The following WDR70 variants were observed in gnomAD, a reference collection of about 807,000 sequenced individuals.
WDR70 encodes WD repeat-containing protein 70.
Under a neutral mutation model 88.6 loss-of-function variants are expected in WDR70, and 53 were observed. The observed-to-expected ratio is 0.60, with a 90% CI of 0.48 to 0.75. WDR70 has a LOEUF of 0.75. WDR70 is among the 30% of genes least tolerant of loss of function. WDR70 has a pLI of 0.00. For missense variants in WDR70, 610 were observed against 823.2 expected, an observed-to-expected ratio of 0.74 and a Z score of 3.17; for synonymous variants, 280 against 270.0, an observed-to-expected ratio of 1.04 and a Z score of -0.36.
chr5:37,712,851 A>C (rs1747551349), intron 13 of WDR70, among the ~76,000 whole-genome samples: 1 of 151,822 alleles, frequency 6.6e-6, no homozygotes, highest in South Asian at 2.1e-4. Context: ...ACAAGCGTGC[A>C]CTACCATGCC....
intron 16 of WDR70, 133 bp downstream of exon 16, chr5:37,725,183 A>G: frequency 1.4e-6 from 1 of 700,906 alleles, no homozygotes; most frequent in Admixed American, 2.9e-5. Flanking sequence ...TGTTTTAAAA[A>G]TGTTTTCTTT....
At chr5:37,381,758 G>A in intron 3 of WDR70, 73 bp downstream of exon 3, 5 of 1,502,674 alleles carry the variant, frequency 3.3e-6, no homozygotes, top group Non-Finnish European at 4.6e-6. Context: ...TATTAAAAAA[G>A]AGAAAAGAAT....
chr5:37,656,942 C>T lies in WDR70; in HGVS notation c.1093-40713C>T, dbSNP rs181447179. Among the ~76,000 whole-genome samples, 175 of 152,186 alleles carry T rather than the reference C, an allele frequency of 1.1e-3. 1 individual carries two copies. The highest frequency in any genetic ancestry group is 4.0e-3 in the African/African-American group (165 of 41,524). On this transcript the variant is annotated intron_variant, in intron 10 of 17. Transcript: ENST00000265107. ...CTTAGCTTGCTGAGTTCCATGGGGGCGGGATCTGCTGAGCTAGACCACTTT... is the reference window on the plus strand; with the variant it reads ...CTTAGCTTGCTGAGTTCCATGGGGGTGGGATCTGCTGAGCTAGACCACTTT...
At chr5:37,610,786 G>A (rs1744170574) in intron 10 of WDR70, among the ~76,000 whole-genome samples, 1 of 152,126 alleles carries the variant, frequency 6.6e-6, no homozygotes, top group African/African-American at 2.4e-5. Flanking sequence ...GGGAGTCATA[G>A]GGCTTCTGAA....
At chr5:37,459,344 C>T (rs72738722) in intron 7 of WDR70, among the ~76,000 whole-genome samples, 60,692 of 147,708 alleles carry the variant, frequency 0.41, 14,565 homozygotes, top group Non-Finnish European at 0.54. Context: ...CTATTAGGTC[C>T]GCTTGGTGCA....
intron 10 of WDR70, among the ~76,000 whole-genome samples, chr5:37,667,565 A>G (rs1445396207): frequency 6.6e-6 from 1 of 152,188 alleles, no homozygotes; most frequent in East Asian, 1.9e-4. Flanking sequence ...GATAAAAGTG[A>G]GCTAATTGTG....
At chr5:37,639,448 C>T (rs1435028395) in intron 10 of WDR70, among the ~76,000 whole-genome samples, 1 of 152,164 alleles carries the variant, frequency 6.6e-6, no homozygotes, top group Non-Finnish European at 1.5e-5. Context: ...CTTTTCCTGT[C>T]TCATTTGTTG....
rs992717613 is a variant in WDR70, at chr5:37,599,642, A to G, written c.918-5422A>G. On this transcript the variant is annotated intron_variant, in intron 9 of 17. Transcript: ENST00000265107. ...CGTGGTGGCTCACGCCTATAATCTC[A>G]GCACTTTTGAAGGCTGAGGTGGGTG... Among the ~76,000 whole-genome samples, 15 of 152,340 alleles carry G rather than the reference A, an allele frequency of 9.8e-5. No homozygotes were observed. The East Asian group carries it at 2.9e-3, about 29-fold the overall frequency.
chr5:37,678,982 T>C (rs1263432210), intron 10 of WDR70, among the ~76,000 whole-genome samples: 1 of 152,256 alleles, frequency 6.6e-6, no homozygotes, highest in Admixed American at 6.5e-5. Flanking sequence ...TTCATTCATT[T>C]CATCTTCCAT....
intron 8 of WDR70, among the ~76,000 whole-genome samples, chr5:37,503,726 A>G (rs1740471756): frequency 6.6e-6 from 1 of 150,472 alleles, no homozygotes; most frequent in Non-Finnish European, 1.5e-5. Flanking sequence ...GAATTCTGCT[A>G]TGAATCCACC....
At chr5:37,467,056 C>G (rs139648731) in intron 7 of WDR70, among the ~76,000 whole-genome samples, 1 of 151,668 alleles carries the variant, frequency 6.6e-6, no homozygotes, top group African/African-American at 2.4e-5. Flanking sequence ...GGCAGCATGG[C>G]AAAACCTTGT....
intron 7 of WDR70, among the ~76,000 whole-genome samples, chr5:37,471,781 A>G (rs533669343): frequency 5.3e-5 from 8 of 152,082 alleles, no homozygotes; most frequent in African/African-American, 1.9e-4. Flanking sequence ...ATTGATTTTT[A>G]TGTGTGTTGT....
intron 5 of WDR70, among the ~76,000 whole-genome samples, chr5:37,418,469 G>A (rs1007274462): frequency 1.7e-4 from 26 of 152,074 alleles, no homozygotes; most frequent in African/African-American, 6.0e-4. Context: ...ACAGGCAACC[G>A]CCACCACGCC....
chr5:37,461,607 C>T (rs567128576), intron 7 of WDR70, among the ~76,000 whole-genome samples: 1 of 152,172 alleles, frequency 6.6e-6, no homozygotes, highest in Non-Finnish European at 1.5e-5. Context: ...CCTCAGCCAC[C>T]TGAGGAGCTG....
chr5:37,736,620 T>A (rs1487405905), intron 17 of WDR70, among the ~76,000 whole-genome samples: 1 of 151,834 alleles, frequency 6.6e-6, no homozygotes, highest in Non-Finnish European at 1.5e-5. Context: ...GTAGTTTTTT[T>A]TTTTTTTCTT....
intron 8 of WDR70, among the ~76,000 whole-genome samples, chr5:37,497,210 C>T (rs1292646879): frequency 2.7e-5 from 4 of 146,698 alleles, no homozygotes; most frequent in African/African-American, 1.0e-4. Flanking sequence ...TCCGTCCTCC[C>T]TCCATCCTCC....
intron 17 of WDR70, among the ~76,000 whole-genome samples, chr5:37,741,205 C>A (rs992499676): frequency 1.9e-4 from 27 of 142,918 alleles, no homozygotes; most frequent in Non-Finnish European, 3.4e-4. Context: ...GGGATTTGTT[C>A]TTCCTTACTC....
chr5:37,586,372 A>G (rs1376490686), intron 9 of WDR70, among the ~76,000 whole-genome samples: 1 of 152,066 alleles, frequency 6.6e-6, no homozygotes, highest in Non-Finnish European at 1.5e-5. Flanking sequence ...TCCTGTTTTT[A>G]CTTAACATCT....
At chr5:37,651,054 C>T (rs1225148113) in intron 10 of WDR70, among the ~76,000 whole-genome samples, 1 of 151,094 alleles carries the variant, frequency 6.6e-6, no homozygotes, top group Non-Finnish European at 1.5e-5. Context: ...TGATGGTTTG[C>T]TGCACTCATC....
Sources: gnomAD v4.1 joint callset for allele counts (sites outside exome capture counted in the v4.1 genomes callset) on GRCh38, gnomAD v4.1.1 for gene constraint, MANE v1.5 for transcripts, NCBI Gene and HGNC (gene_info 2026-07-23, HGNC 2026-07-21) for gene names.